POTEF: variants seen among roughly 807,000 people sequenced by gnomAD.
POTEF encodes POTE ankyrin domain family member F.
Under a neutral mutation model 83.2 loss-of-function variants are expected in POTEF, and 20 were observed. The ratio of observed to expected loss-of-function variants is 0.24; its 90% CI spans 0.17 to 0.35. POTEF has a LOEUF of 0.35. Ranked by LOEUF, POTEF falls within the 10% of genes least tolerant of loss-of-function variation. The probability of loss-of-function intolerance (pLI) is 1.00; values close to 1 mark genes in which losing one functional copy is unlikely to be tolerated. For synonymous variants in POTEF, 196 were observed against 446.4 expected (o/e 0.44, Z 7.07); for missense variants, 550 against 1,203.2 (o/e 0.46, Z 8.03).
chr2:130,108,228 CA>C (rs1373421410), intron 7 of POTEF, 149 bp from the exon 8 acceptor site: 17 of 1,325,968 alleles, frequency 1.3e-5, no homozygotes, highest in Middle Eastern at 2.7e-4. Context: ...GTACATTCTA[CA>C]AACTTCTCTT....
At chr2:130,127,312 G>A (rs530943960) in intron 2 of POTEF, among the ~76,000 whole-genome samples, 72 of 100,078 alleles carry the variant, frequency 7.2e-4, no homozygotes, top group African/African-American at 2.8e-3. Flanking sequence ...GCAAAAGAGC[G>A]AGACTCTGTC....
At chr2:130,126,307 A>G (rs1405187009) in intron 2 of POTEF, among the ~76,000 whole-genome samples, 4 of 138,382 alleles carry the variant, frequency 2.9e-5, no homozygotes, top group Non-Finnish European at 1.5e-5. Flanking sequence ...CCATCTCAAA[A>G]AAAAAAAAAA....
intron 2 of POTEF, among the ~76,000 whole-genome samples, chr2:130,126,303 C>CAAAAAAAA (rs754556482): frequency 8.1e-6 from 1 of 122,708 alleles, no homozygotes; most frequent in African/African-American, 2.9e-5. Flanking sequence ...AACTCCATCT[C>CAAAAAAAA]AAAAAAAAAA....
intron 6 of POTEF, among the ~76,000 whole-genome samples, chr2:130,111,661 G>T (rs1452561926): frequency 2.7e-5 from 4 of 150,814 alleles, no homozygotes; most frequent in African/African-American, 9.9e-5. Context: ...ATTAGAAAGG[G>T]TTAAGAAGTT....
rs550487352 is a variant in POTEF, at chr2:130,075,015, C to A, written c.2457G>T (p.Met819Ile). Reference protein sequence around the residue: ...TLNPKANREKMTQIMFETFNT... With the variant: ...TLNPKANREKITQIMFETFNT... ...TGAAGGTCTCAAACATGATCTGGGT[C>A]ATCTTCTCGCGGTTGGCCTTAGGGT... The change falls in exon 17 of 17, where the codon ATG (methionine) becomes ATT (isoleucine). Residue 819 changes from methionine (M) to isoleucine (I), a missense_variant. Coordinates refer to ENST00000409914, the MANE Select transcript of POTEF (RefSeq NM_001099771.2). The A allele has an allele frequency of 6.2e-7, 1 of 1,613,514 alleles. No individual in the cohort carries two copies. The highest frequency in any genetic ancestry group is 2.2e-5 in the East Asian group (1 of 44,846).
At chr2:130,091,098 C>T (rs1189963293) in intron 12 of POTEF, among the ~76,000 whole-genome samples, 5 of 50,388 alleles carry the variant, frequency 9.9e-5, no homozygotes, top group East Asian at 4.3e-4. Flanking sequence ...CCACATAGTC[C>T]AAAATATTTC....
chr2:130,093,115 T>C (rs933493335), intron 12 of POTEF, among the ~76,000 whole-genome samples: 1 of 144,414 alleles, frequency 6.9e-6, no homozygotes, highest in Non-Finnish European at 1.5e-5. Context: ...GGGATCTAGG[T>C]TGTGTGCTTC....
chr2:130,113,737 C>T (rs576516012), intron 5 of POTEF, among the ~76,000 whole-genome samples: 4 of 150,974 alleles, frequency 2.6e-5, no homozygotes, highest in Non-Finnish European at 5.9e-5. Flanking sequence ...CAGAAAAAGC[C>T]TAGACTTGTT....
At position 130,083,977 on chromosome 2, in the gene POTEF, T is replaced by TA. The variant is rs1268824885; in HGVS notation, c.1778+1836dup. ...TTATCATTTTGTTCACGCTTATACA[T>TA]AAAGACCAAGAAATACTAAAACTCT... On this transcript the variant is annotated intron_variant, in intron 15 of 16. Coordinates refer to ENST00000409914, the MANE Select transcript of POTEF (RefSeq NM_001099771.2). Among the ~76,000 whole-genome samples the TA allele has an allele frequency of 2.5e-5, 2 of 79,186 alleles. 1 individual carries two copies. Among genetic ancestry groups the TA allele is most frequent in the Non-Finnish European group, 4.9e-5 (2 of 40,514 alleles). 51.9% of individuals were successfully genotyped at this position (79,186 alleles called of 152,430 possible).
chr2:130,120,366 G>T lies in POTEF; in HGVS notation c.150C>A (p.Asp50Glu). The T allele has an allele frequency of 6.3e-7, 1 of 1,597,046 alleles. No individual in the cohort carries two copies. Among genetic ancestry groups the T allele is most frequent in the Non-Finnish European group, 8.5e-7 (1 of 1,170,262 alleles). ...TCCTGAGTGTCTTCATAGCAGAGTCGTCGTGGTCTCCAGAAGTGCCCACGT... is the reference window on the plus strand; with the variant it reads ...TCCTGAGTGTCTTCATAGCAGAGTCTTCGTGGTCTCCAGAAGTGCCCACGT... ...KSNVGTSGDH[D>E]DSAMKTLRSK... The change falls in exon 3 of 17, where the codon GAC becomes GAA. Residue 50 changes from aspartate to glutamate, a missense_variant. Coordinates refer to ENST00000409914, the MANE Select transcript of POTEF (RefSeq NM_001099771.2).
intron 2 of POTEF, among the ~76,000 whole-genome samples, chr2:130,125,538 G>A (rs1685073165): frequency 6.7e-6 from 1 of 149,076 alleles, no homozygotes; most frequent in South Asian, 2.1e-4. Context: ...GTAAAATAAA[G>A]ATAAAAAGTT....
chr2:130,104,730 G>A lies in POTEF; in HGVS notation c.1127-2550C>T, dbSNP rs3872436. 7.3e-5 allele frequency among the ~76,000 whole-genome samples: 11 copies of A among 151,320 alleles called. 1 individual carries two copies. The South Asian group carries it at 1.2e-3, about 17-fold the overall frequency. The stretch of plus-strand genomic sequence containing the variant: ...ATCATTCCCTAAAAGGAACAACTCC[G>A]ATATTCATCTTTATCCATTAAGTTC... On this transcript the variant is annotated intron_variant, in intron 8 of 16. Coordinates refer to ENST00000409914, the MANE Select transcript of POTEF (RefSeq NM_001099771.2).
At chr2:130,103,274 C>T (rs1684423762) in intron 8 of POTEF, among the ~76,000 whole-genome samples, 1 of 149,902 alleles carries the variant, frequency 6.7e-6, no homozygotes. Flanking sequence ...AGCTAATTTT[C>T]GTGTTTTTAG....
intron 3 of POTEF, among the ~76,000 whole-genome samples, chr2:130,117,856 T>C (rs1266409415): frequency 6.6e-6 from 1 of 152,072 alleles, no homozygotes; most frequent in African/African-American, 2.4e-5. Flanking sequence ...GCTGTAGCAA[T>C]TTAAACTTTA....
chr2:130,120,205 T>C lies in POTEF; in HGVS notation c.311A>G (p.His104Arg), dbSNP rs1293406222. The C allele has an allele frequency of 1.2e-5, 19 of 1,591,984 alleles. No homozygotes were observed. In the African/African-American group the frequency reaches 1.4e-4, roughly 12 times the overall value. The part of the protein sequence containing the change: ...LRNKMGKWCC[H>R]CFPCCRGSSK... ...GCTCCCCCTGCAGCAGGGGAAGCAG[T>C]GGCAGCACCACTTGCCCATCTTGTT... The change falls in exon 3 of 17, where the codon CAC (histidine) becomes CGC (arginine). Residue 104 changes from histidine to arginine, a missense_variant. Transcript: ENST00000409914.
intron 7 of POTEF, 57 bp from the exon 8 acceptor site, chr2:130,108,136 T>C: frequency 5.3e-6 from 8 of 1,517,808 alleles, no homozygotes; most frequent in Non-Finnish European, 7.1e-6. Context: ...ATAAAAAAAC[T>C]TACCAAATGT....
intron 11 of POTEF, among the ~76,000 whole-genome samples, chr2:130,097,458 ATATTT>A (rs1488257791): frequency 5.4e-4 from 71 of 130,802 alleles, no homozygotes; most frequent in African/African-American, 2.1e-3. Flanking sequence ...TAACAATTAT[ATATTT>A]TAAAGGTTAT....
intron 15 of POTEF, among the ~76,000 whole-genome samples, chr2:130,077,456 T>C (rs1683851932): frequency 6.6e-6 from 1 of 151,902 alleles, no homozygotes; most frequent in Non-Finnish European, 1.5e-5. Context: ...ATTACATTCA[T>C]TGTGCACTTT....
intron 9 of POTEF, among the ~76,000 whole-genome samples, chr2:130,100,953 T>C (rs1222367192): frequency 2.0e-5 from 3 of 147,136 alleles, no homozygotes; most frequent in African/African-American, 2.6e-5. Flanking sequence ...CTGACTAACA[T>C]GTGAAAAATA....
Sources: allele counts gnomAD v4.1 joint callset (sites outside exome capture counted in the v4.1 genomes callset), GRCh38; gene constraint gnomAD v4.1.1; transcripts MANE v1.5; gene names NCBI Gene and HGNC (gene_info 2026-07-23, HGNC 2026-07-21).